The following GABPB2 variants were observed in gnomAD, a reference collection of about 807,000 sequenced individuals.
GABPB2 encodes GA binding protein transcription factor subunit beta 2.
A neutral mutation model predicts 39.1 loss-of-function variants in GABPB2; 23 were observed. The observed-to-expected ratio is 0.59, with a 90% confidence interval of 0.42 to 0.83. GABPB2 has a LOEUF of 0.83. Ranked by LOEUF, GABPB2 falls within the 40% of genes least tolerant of loss-of-function variation. GABPB2 has a pLI of 0.00. For synonymous variants in GABPB2, 184 were observed against 199.3 expected (o/e 0.92, Z 0.65); for missense variants, 467 against 541.1 (o/e 0.86, Z 1.36).
At chr1:151,088,117 TA>T in intron 1 of GABPB2, 72 bp from the exon 2 acceptor site, 1 of 1,052,292 alleles carries the variant, frequency 9.5e-7, no homozygotes, top group Non-Finnish European at 1.5e-6. Flanking sequence ...AGAAGTCTTC[TA>T]AAAAATGTAT....
At chr1:151,083,901 C>T (rs587689358) in intron 1 of GABPB2, among the ~76,000 whole-genome samples, 21 of 150,442 alleles carry the variant, frequency 1.4e-4, no homozygotes, top group African/African-American at 4.4e-4. Flanking sequence ...CCACCATGCC[C>T]GGCTAATTTT....
At position 151,117,453 on chromosome 1, in the gene GABPB2, G is replaced by A; in HGVS notation, c.984G>A (p.Glu328=). 2 of 1,613,760 alleles carry A rather than the reference G, an allele frequency of 1.2e-6. No homozygotes were observed. The highest frequency in any genetic ancestry group is 1.7e-6 in the Non-Finnish European group (2 of 1,179,676). ...CTGTAATTAAAGAGGAAGAAGAAGA[G>A]AAGTTGCCACTAACAAAGAAACCAA... ...EETVIKEEEE[E]KLPLTKKPRI... The change falls in exon 8 of 9, where the codon GAG becomes GAA. Residue 328 remains glutamate, a synonymous_variant. Coordinates refer to ENST00000368918, the MANE Select transcript of GABPB2 (RefSeq NM_144618.3).
At position 151,117,982 on chromosome 1, in the gene GABPB2, A is replaced by G; in HGVS notation, c.1073A>G (p.Gln358Arg). Residue 358 changes from glutamine (Q) to arginine (R), a missense_variant, in exon 9 of 9, where the codon CAG becomes CGG. Transcript: ENST00000368918. ...SKEGNERELL[Q>R]QQLQEANRRA... ...GAAGGCAATGAAAGAGAGCTACTAC[A>G]GCAACAACTCCAGGAGGCCAATCGA... 6.2e-7 allele frequency: 1 copy of G among 1,613,280 alleles called. No homozygotes were observed. The highest frequency in any genetic ancestry group is 1.3e-5 in the African/African-American group (1 of 75,006).
intron 1 of GABPB2, among the ~76,000 whole-genome samples, chr1:151,080,822 C>T (rs1231850764): frequency 2.0e-5 from 3 of 148,070 alleles, no homozygotes; most frequent in Admixed American, 2.0e-4. Flanking sequence ...CGCCACTGCA[C>T]TCCAGCCTGG....
In GABPB2 at chr1:151,118,225, C is replaced by G. The variant is rs764317280; in HGVS notation, c.1316C>G (p.Thr439Ser). 6.2e-7 allele frequency: 1 copy of G among 1,613,508 alleles called. No homozygotes were observed. Among genetic ancestry groups the G allele is most frequent in the Non-Finnish European group, 8.5e-7 (1 of 1,179,556 alleles). Residue 439 changes from threonine to serine, a missense_variant, in exon 9 of 9, where the codon ACT (threonine) becomes AGT (serine). By Grantham distance (58) the Thr-to-Ser change is moderately conservative. Transcript: ENST00000368918. ...TGSAGTTEPH[T>S]RVSMATVSS ...TCAGCAGGGACCACAGAGCCTCACA[C>G]TAGAGTTTCCATGGCAACTGTTTCA...
At chr1:151,111,663 C>T (rs1381220163) in intron 7 of GABPB2, among the ~76,000 whole-genome samples, 8 of 151,132 alleles carry the variant, frequency 5.3e-5, no homozygotes, top group Non-Finnish European at 8.8e-5. Context: ...CCACCCGCCT[C>T]GGCCTCCCAA....
rs977579217 is a variant in GABPB2, at chr1:151,123,753, G to A, written c.*5497G>A. On this transcript the variant is annotated 3_prime_UTR_variant, in exon 9 of 9. Coordinates refer to ENST00000368918, the MANE Select transcript of GABPB2 (RefSeq NM_144618.3). The stretch of plus-strand genomic sequence containing the variant: ...TGTAGTCCCAGCTACTCGGGAGGCT[G>A]AGGCAGGAGAATGACGTGAACCCAG... 2 of 152,008 alleles carry A rather than the reference G, an allele frequency of 1.3e-5. No individual in the cohort carries two copies. Among genetic ancestry groups the A allele is most frequent in the African/African-American group, 2.4e-5 (1 of 41,334 alleles). The allele number at this position is 152,008 out of a possible 1,614,324, so 9.4% of individuals were successfully genotyped here. A position where few individuals can be genotyped will look rare whatever the true frequency, so the allele number is the denominator to read the frequency against.
rs188511114 is a variant in GABPB2 at position 151,078,134 on chromosome 1, G to T, written c.-1+7200G>T. Among the ~76,000 whole-genome samples, 28 of 150,754 alleles carry T rather than the reference G, an allele frequency of 1.9e-4. No homozygotes were observed. The East Asian group carries it at 5.5e-3, about 30-fold the overall frequency. ...AAAAATACAAAATTATCCAGTTGTG[G>T]TGGCACGAGCCTGTAGTCCGAGCTA... On this transcript the variant is annotated intron_variant, in intron 1 of 8. Transcript: ENST00000368918.
chr1:151,094,952 G>A (rs1678997382), intron 4 of GABPB2, among the ~76,000 whole-genome samples: 1 of 150,372 alleles, frequency 6.7e-6, no homozygotes, highest in Non-Finnish European at 1.5e-5. Context: ...AGAGGTTGCA[G>A]TGAGCCAAGA....
chr1:151,079,553 T>C (rs1187844189), intron 1 of GABPB2, among the ~76,000 whole-genome samples: 1 of 151,472 alleles, frequency 6.6e-6, no homozygotes, highest in Non-Finnish European at 1.5e-5. Flanking sequence ...TAAATAAATA[T>C]ATAAATACGA....
intron 1 of GABPB2, among the ~76,000 whole-genome samples, chr1:151,078,640 T>TTTG (rs1677396111): frequency 3.9e-5 from 6 of 151,904 alleles, no homozygotes; most frequent in African/African-American, 1.5e-4. Flanking sequence ...CTTTTTTTGT[T>TTTG]TTTGTTTGTT....
Position 151,118,372 on chromosome 1 carries a change from C to A in GABPB2, c.*116C>A. ...AGTGTCTTTAAGAAGAAAACTATAG[C>A]AGGGTACAATGCTTGGGCTCAGGAA... is the stretch of plus-strand genomic sequence containing the variant. On this transcript the variant is annotated 3_prime_UTR_variant, in exon 9 of 9. Coordinates refer to ENST00000368918, the MANE Select transcript of GABPB2 (RefSeq NM_144618.3). 1 of 1,006,278 alleles carries A rather than the reference C, an allele frequency of 9.9e-7. No homozygotes were observed. The highest frequency in any genetic ancestry group is 1.4e-6 in the Non-Finnish European group (1 of 695,386). 62.3% of individuals were successfully genotyped at this position (1,006,278 alleles called of 1,614,324 possible).
Position 151,088,260 on chromosome 1 carries a change from C to A in GABPB2, c.71C>A (p.Thr24Lys), listed in dbSNP as rs759969656. The change falls in exon 2 of 9, where the codon ACG (threonine) becomes AAG (lysine). Residue 24 changes from threonine to lysine, a missense_variant. Thr to Lys is a moderately conservative substitution (Grantham distance 78). Coordinates refer to ENST00000368918, the MANE Select transcript of GABPB2 (RefSeq NM_144618.3). ...ARKGQDDEVR[T>K]LMANGAPFTT... The stretch of plus-strand genomic sequence containing the variant: ...AAAGGCCAAGATGATGAAGTGAGAA[C>A]GTTGATGGCAAATGGCGCCCCATTC... The A allele has an allele frequency of 6.2e-7, 1 of 1,613,798 alleles. No individual in the cohort carries two copies. Among genetic ancestry groups the A allele is most frequent in the Non-Finnish European group, 8.5e-7 (1 of 1,179,916 alleles).
chr1:151,110,856 A>G (rs1325030994), intron 7 of GABPB2, among the ~76,000 whole-genome samples: 3 of 152,208 alleles, frequency 2.0e-5, no homozygotes, highest in Non-Finnish European at 4.4e-5. Context: ...CTAAACTTCC[A>G]TTTCTACTCA....
rs1680439360 is a variant in GABPB2, at chr1:151,111,641, T to C, written c.922+4419T>C. Among the ~76,000 whole-genome samples the C allele has an allele frequency of 2.0e-5, 3 of 151,402 alleles. No individual in the cohort carries two copies. The South Asian group carries it at 6.3e-4, about 32-fold the overall frequency. ...GGGTTTCACTGTGGTCTCGATCTCC[T>C]GACCTCGTGATCCACCCGCCTCGGC... On this transcript the variant is annotated intron_variant, in intron 7 of 8. Coordinates refer to ENST00000368918, the MANE Select transcript of GABPB2 (RefSeq NM_144618.3).
intron 4 of GABPB2, among the ~76,000 whole-genome samples, chr1:151,094,381 G>A (rs1678948020): frequency 8.6e-6 from 1 of 115,872 alleles, no homozygotes; most frequent in Non-Finnish European, 1.8e-5. Context: ...TCCCACCCCC[G>A]ACCCCGAGAT....
At chr1:151,077,170 C>T (rs937653267) in intron 1 of GABPB2, among the ~76,000 whole-genome samples, 1 of 152,010 alleles carries the variant, frequency 6.6e-6, no homozygotes, top group Non-Finnish European at 1.5e-5. Context: ...AAAGGAATCT[C>T]ACATAAGACT....
intron 5 of GABPB2, among the ~76,000 whole-genome samples, chr1:151,102,086 C>T (rs587757969): frequency 9.2e-5 from 14 of 152,168 alleles, no homozygotes; most frequent in Admixed American, 4.6e-4. Context: ...TTTGGGAGGC[C>T]GAAGCAGGCA....
At position 151,073,524 on chromosome 1, in the gene GABPB2, A is replaced by G. The variant is rs138390497; in HGVS notation, c.-1+2590A>G. Among the ~76,000 whole-genome samples the G allele has an allele frequency of 2.9e-3, 437 of 152,302 alleles. 1 individual carries two copies. Among genetic ancestry groups the G allele is most frequent in the African/African-American group, 8.9e-3 (369 of 41,556 alleles). Reference sequence around the variant, plus strand: ...CCACCTGCCAGAACCAGCATGGACAAGATACTGGGAGAATGGCATATAGTT... The same window carrying G: ...CCACCTGCCAGAACCAGCATGGACAGGATACTGGGAGAATGGCATATAGTT... On this transcript the variant is annotated intron_variant, in intron 1 of 8. Transcript: ENST00000368918.
Sources: gnomAD v4.1 joint callset for allele counts (sites outside exome capture counted in the v4.1 genomes callset) on GRCh38, gnomAD v4.1.1 for gene constraint, MANE v1.5 for transcripts, NCBI Gene and HGNC (gene_info 2026-07-23, HGNC 2026-07-21) for gene names.